Variants in CARD16 observed in about 807,000 individuals in gnomAD.
CARD16 encodes the protein caspase recruitment domain-containing protein 16.
A neutral mutation model predicts 11.9 loss-of-function variants in CARD16; 8 were observed. The observed-to-expected ratio is 0.67, with a 90% confidence interval of 0.39 to 1.21. CARD16 has a LOEUF of 1.21. CARD16 is among the 50% of genes most tolerant of loss of function. The pLI, the probability that CARD16 is intolerant of heterozygous loss-of-function variation, is 0.01. For synonymous variants in CARD16, 44 were observed against 43.8 expected (o/e 1.00, Z -0.02); for missense variants, 131 against 118.1 (o/e 1.11, Z -0.51).
chr11:105,041,842 C>A, intron 3 of CARD16, 123 bp from the exon 4 acceptor site: 1 of 914,780 alleles, frequency 1.1e-6, no homozygotes, highest in Middle Eastern at 2.8e-4. Flanking sequence ...TAGTCATTAA[C>A]ATAGTTGAGT....
At chr11:105,041,978 C>T (rs1864120023) in intron 3 of CARD16, among the ~76,000 whole-genome samples, 1 of 152,080 alleles carries the variant, frequency 6.6e-6, no homozygotes, top group African/African-American at 2.4e-5. Flanking sequence ...AGAGAGGAAG[C>T]TTTTCAAGGC....
intron 2 of CARD16, 176 bp downstream of exon 2, chr11:105,044,216 A>G (rs1228224318): frequency 3.0e-6 from 3 of 986,400 alleles, no homozygotes; most frequent in East Asian, 5.0e-5. Flanking sequence ...GGCACTGAGG[A>G]TGAAGGAACA....
At chr11:105,045,236 C>G (rs1269084912) in intron 1 of CARD16, 55 bp downstream of exon 1, 23 of 1,613,264 alleles carry the variant, frequency 1.4e-5, no homozygotes, top group Admixed American at 1.0e-4. Context: ...AGAGCCAGCC[C>G]TTTCCACAAC....
chr11:105,043,622 T>A, intron 2 of CARD16, 77 bp from the exon 3 acceptor site: 1 of 939,922 alleles, frequency 1.1e-6, no homozygotes, highest in Admixed American at 1.8e-5. Flanking sequence ...AAGCCACTCC[T>A]CACTGCAAAT....
intron 3 of CARD16, 62 bp from the exon 4 acceptor site, chr11:105,041,781 A>G: frequency 6.7e-7 from 1 of 1,482,776 alleles, no homozygotes; most frequent in East Asian, 2.3e-5. Flanking sequence ...AGCCTCACCT[A>G]TGGAGGAAGC....
intron 2 of CARD16, 142 bp downstream of exon 2, chr11:105,044,250 A>C (rs754543521): frequency 6.6e-6 from 9 of 1,354,642 alleles, no homozygotes; most frequent in East Asian, 2.3e-5. Context: ...AGGGACATGC[A>C]ATAGGGCCTC....
At chr11:105,044,119 G>C (rs1422458584) in intron 2 of CARD16, 4 of 547,810 alleles carry the variant, frequency 7.3e-6, no homozygotes, top group Admixed American at 6.4e-5. Context: ...GGAACATATT[G>C]TATGAAGCTT....
chr11:105,043,683 A>G (rs910539727), intron 2 of CARD16, 138 bp from the exon 3 acceptor site: 1 of 684,496 alleles, frequency 1.5e-6, no homozygotes, highest in Non-Finnish European at 2.6e-6. Flanking sequence ...AAGTGCACCA[A>G]AACTCCCATC....
chr11:105,043,526 C>G lies in CARD16; in HGVS notation c.294G>C (p.Ter98TyrextTer?). ...GTAATTGGGAGTCTTGTGTACTAAG[C>G]TAATTTCCAGGTATCGGACCTATAA... ...GLSAGPIPGN[*>Y] is the part of the protein sequence containing the mutation. Residue 98 changes from the stop codon to tyrosine, a stop_lost, in exon 3 of 4, where the codon TAG becomes TAC. Coordinates refer to ENST00000673097, the MANE Select transcript of CARD16 (RefSeq NM_052889.4). 1 of 1,610,096 alleles carries G rather than the reference C, an allele frequency of 6.2e-7. No homozygotes were observed. The highest frequency in any genetic ancestry group is 8.5e-7 in the Non-Finnish European group (1 of 1,177,072).
intron 3 of CARD16, among the ~76,000 whole-genome samples, chr11:105,043,173 G>C (rs1864139190): frequency 6.6e-6 from 1 of 152,086 alleles, no homozygotes; most frequent in Non-Finnish European, 1.5e-5. Context: ...GGCATGTTCA[G>C]CTCTGAAATT....
intron 2 of CARD16, 116 bp from the exon 3 acceptor site, chr11:105,043,661 T>C: frequency 2.7e-6 from 2 of 738,324 alleles, no homozygotes; most frequent in Non-Finnish European, 4.8e-6. Context: ...TAAATGACAA[T>C]AAATAATGTT....
Position 105,043,480 on chromosome 11 carries a change from TA to T in CARD16, c.*43+2del. ...AATGCTCTTCATTGAAAAACAACAT[TA>T]CCTGGGAAGGAAGAAAATAGTAATT... is the stretch of plus-strand genomic sequence containing the variant. On this transcript the variant is annotated splice_donor_variant, in intron 3 of 3. Transcript: ENST00000673097. LOFTEE classifies it low-confidence loss of function (3UTR_SPLICE). The T allele has an allele frequency of 6.3e-7, 1 of 1,598,856 alleles. No homozygotes were observed. Among genetic ancestry groups the T allele is most frequent in the Non-Finnish European group, 8.6e-7 (1 of 1,168,262 alleles).
Position 105,044,447 on chromosome 11 carries a change from G to C in CARD16, c.219C>G (p.Ile73Met). Residue 73 changes from isoleucine to methionine, a missense_variant, in exon 2 of 4, where the codon ATC becomes ATG. By Grantham distance (10) the Ile-to-Met change is conservative (BLOSUM62 1). Coordinates refer to ENST00000673097, the MANE Select transcript of CARD16 (RefSeq NM_052889.4). ...AACTGTCTTCTTCACAAATGTATGT[G>C]ATGCAAATTTGGCATGCCTGTGCCC... ...PKGAQACQIC[I>M]TYICEEDSYL... is the part of the protein sequence containing the mutation. The C allele has an allele frequency of 6.2e-7, 1 of 1,614,132 alleles. No homozygotes were observed. The highest frequency in any genetic ancestry group is 8.5e-7 in the Non-Finnish European group (1 of 1,179,990).
In CARD16 at chr11:105,044,587, C is replaced by G. The variant is rs184275239; in HGVS notation, c.79G>C (p.Asp27His). ...MGEGTINGLL[D>H]ELLQTRVLNQ... The stretch of plus-strand genomic sequence containing the variant: ...AGCACCCTTGTCTGTAATAATTCAT[C>G]CAGTAAGCCATTTATTGTACCTTCA... Residue 27 changes from aspartate (D) to histidine (H), a missense_variant, in exon 2 of 4, where the codon GAT (aspartate) becomes CAT (histidine). Physicochemically the swap from Asp to His is moderately conservative, Grantham distance 81. Coordinates refer to ENST00000673097, the MANE Select transcript of CARD16 (RefSeq NM_052889.4). The G allele has an allele frequency of 6.2e-7, 1 of 1,614,154 alleles. No individual in the cohort carries two copies. Among genetic ancestry groups the G allele is most frequent in the Non-Finnish European group, 8.5e-7 (1 of 1,179,986 alleles).
chr11:105,043,795 C>T (rs1347565835), intron 2 of CARD16: 7 of 413,978 alleles, frequency 1.7e-5, no homozygotes, highest in Admixed American at 8.3e-5. Flanking sequence ...AAGTCCAGGC[C>T]TCCCAGTATG....
rs910614795 is a variant in CARD16, at chr11:105,043,422, C to T, written c.*43+61G>A. Reference sequence around the variant, plus strand: ...GCCCCTTCAAGCAGAGCTCATTCCACTAAATTAATGTTAAAGAAGATGGGG... The same window carrying T: ...GCCCCTTCAAGCAGAGCTCATTCCATTAAATTAATGTTAAAGAAGATGGGG... On this transcript the variant is annotated intron_variant, in intron 3 of 3. Coordinates refer to ENST00000673097, the MANE Select transcript of CARD16 (RefSeq NM_052889.4). The T allele has an allele frequency of 3.4e-6, 4 of 1,188,894 alleles. No individual in the cohort carries two copies. The African/African-American group carries it at 6.1e-5, about 18-fold the overall frequency. The allele number at this position is 1,188,894 out of a possible 1,614,324, so 73.6% of individuals were successfully genotyped here.
intron 3 of CARD16, among the ~76,000 whole-genome samples, chr11:105,042,167 T>A (rs1864123423): frequency 6.6e-6 from 1 of 152,350 alleles, no homozygotes; most frequent in African/African-American, 2.4e-5. Context: ...ATAGACATGG[T>A]AGTAAACACT....
chr11:105,043,544 A>G lies in CARD16; in HGVS notation c.276T>C (p.Gly92=), dbSNP rs368391656. Residue 92 remains glycine, a splice_region_variant and synonymous_variant, in exon 3 of 4, where the codon GGT becomes GGC. Transcript: ENST00000673097. ...TACTAAGCTAATTTCCAGGTATCGG[A>G]CCTATAAAAAGATGAAGAACATTGA... ...YLAETLGLSA[G]PIPGN 6.2e-6 allele frequency: 10 copies of G among 1,605,830 alleles called. No individual in the cohort carries two copies. The African/African-American group carries it at 1.2e-4, about 19-fold the overall frequency.
chr11:105,041,769 A>G (rs183923430), intron 3 of CARD16, 50 bp from the exon 4 acceptor site: 18 of 1,555,944 alleles, frequency 1.2e-5, no homozygotes, highest in Admixed American at 1.7e-5. Flanking sequence ...CTTTGTTCTT[A>G]TAGCCTCACC....
Sources: gnomAD v4.1 joint callset for allele counts (sites outside exome capture counted in the v4.1 genomes callset) on GRCh38, gnomAD v4.1.1 for gene constraint, MANE v1.5 for transcripts, NCBI Gene and HGNC (gene_info 2026-07-23, HGNC 2026-07-21) for gene names.